The following RBFOX1 variants were observed in gnomAD, a reference collection of about 807,000 sequenced individuals.
RBFOX1 encodes RNA binding protein fox-1 homolog 1.
In RBFOX1, 8 loss-of-function variants were observed where a neutral mutation model predicts 57.7. The ratio of observed to expected loss-of-function variants is 0.14; its 90% confidence interval spans 0.08 to 0.25. The LOEUF is 0.25. RBFOX1 is among the 10% of genes least tolerant of loss of function. The probability of loss-of-function intolerance (pLI) is 1.00; values close to 1 mark genes in which losing one functional copy is unlikely to be tolerated. For synonymous variants in RBFOX1, 326 were observed against 222.4 expected (o/e 1.47, Z -4.15); for missense variants, 611 against 548.5 (o/e 1.11, Z -1.14).
At chr16:5,703,371 CAAAGCCTCT>C (rs1451534062) in intron 3 of RBFOX1, among the ~76,000 whole-genome samples, 28 of 152,174 alleles carry the variant, frequency 1.8e-4, no homozygotes, top group African/African-American at 6.5e-4. Context: ...GGGAGAGGAG[CAAAGCCTCT>C]AAATTGGGAT....
At chr16:7,250,274 G>T (rs942622764) in intron 4 of RBFOX1, among the ~76,000 whole-genome samples, 1 of 152,230 alleles carries the variant, frequency 6.6e-6, no homozygotes, top group Non-Finnish European at 1.5e-5. Context: ...AAATAACACT[G>T]AAGAGTAAAA....
chr16:6,116,186 G>A (rs142737127), intron 1 of RBFOX1, among the ~76,000 whole-genome samples: 9 of 151,380 alleles, frequency 5.9e-5, no homozygotes, highest in Admixed American at 3.3e-4. Context: ...ACCGAACACC[G>A]TATGTCCTCA....
At chr16:7,374,134 C>G (rs1318602993) in intron 4 of RBFOX1, among the ~76,000 whole-genome samples, 1 of 152,136 alleles carries the variant, frequency 6.6e-6, no homozygotes, top group Non-Finnish European at 1.5e-5. Context: ...CCAATAGGTA[C>G]TTTATTGCAG....
At chr16:6,717,416 G>C (rs558895486) in intron 3 of RBFOX1, among the ~76,000 whole-genome samples, 1 of 152,154 alleles carries the variant, frequency 6.6e-6, no homozygotes, top group South Asian at 2.1e-4. Flanking sequence ...TACAGCATAA[G>C]AAACTTGAGA....
intron 2 of RBFOX1, among the ~76,000 whole-genome samples, chr16:6,625,272 A>C (rs1188348137): frequency 6.6e-6 from 1 of 152,048 alleles, no homozygotes; most frequent in African/African-American, 2.4e-5. Flanking sequence ...TAAGTGCTAA[A>C]GTGAGAAGGA....
At chr16:6,010,237 A>G (rs1388645485) in intron 4 of RBFOX1, among the ~76,000 whole-genome samples, 2 of 152,106 alleles carry the variant, frequency 1.3e-5, no homozygotes, top group Non-Finnish European at 2.9e-5. Flanking sequence ...ACCCATGTCC[A>G]AGGAAGGCTG....
intron 4 of RBFOX1, among the ~76,000 whole-genome samples, chr16:7,355,055 G>T (rs535498504): frequency 2.6e-5 from 4 of 152,088 alleles, no homozygotes. Context: ...AGCATTTAAC[G>T]CATGAGGTCT....
intron 2 of RBFOX1, among the ~76,000 whole-genome samples, chr16:5,533,968 C>T (rs568302915): frequency 7.9e-5 from 12 of 152,060 alleles, no homozygotes; most frequent in Non-Finnish European, 1.3e-4. Context: ...GATGAGAAGC[C>T]CACACATTCG....
intron 1 of RBFOX1, among the ~76,000 whole-genome samples, chr16:5,406,186 C>T (rs972184382): frequency 5.3e-5 from 8 of 151,976 alleles, no homozygotes; most frequent in Non-Finnish European, 1.2e-4. Context: ...TACATGATGC[C>T]CAGATAGCTA....
intron 4 of RBFOX1, among the ~76,000 whole-genome samples, chr16:7,168,158 CT>C (rs1233250917): frequency 2.6e-5 from 4 of 152,298 alleles, no homozygotes; most frequent in African/African-American, 9.6e-5. Context: ...TTAAAGTTCA[CT>C]TATCAATGAT....
At chr16:6,021,061 G>C (rs889622270) in intron 1 of RBFOX1, among the ~76,000 whole-genome samples, 2 of 152,202 alleles carry the variant, frequency 1.3e-5, no homozygotes, top group Non-Finnish European at 2.9e-5. Context: ...GGAAATCCTG[G>C]TCAGGCAGTC....
Position 6,955,067 on chromosome 16 carries a change from CA to C in RBFOX1, c.-15-96977del, listed in dbSNP as rs748874364. On this transcript the variant is annotated intron_variant, in intron 3 of 15. Coordinates refer to ENST00000550418, the MANE Select transcript of RBFOX1 (RefSeq NM_018723.4). The stretch of plus-strand genomic sequence containing the variant: ...GCAACACTGGGAAACCCCATCTCTA[CA>C]AAAAAAAAAAAACACACAAAAAATT... Among the ~76,000 whole-genome samples the C allele has an allele frequency of 8.9e-3, 839 of 93,846 alleles. 7 individuals are homozygous for C. Among genetic ancestry groups the C allele is most frequent in the African/African-American group, 0.027 (732 of 27,372 alleles). The allele number at this position is 93,846 out of a possible 152,430, so 61.6% of individuals were successfully genotyped here. A position where few individuals can be genotyped will look rare whatever the true frequency, so the allele number is the denominator to read the frequency against.
At chr16:7,223,806 A>G (rs1007482342) in intron 4 of RBFOX1, among the ~76,000 whole-genome samples, 1 of 127,346 alleles carries the variant, frequency 7.9e-6, no homozygotes, top group African/African-American at 3.2e-5. Flanking sequence ...AAATGGGAGC[A>G]CTTCCTAAAC....
intron 3 of RBFOX1, among the ~76,000 whole-genome samples, chr16:5,808,993 G>T (rs543214344): frequency 7.9e-5 from 12 of 152,208 alleles, no homozygotes; most frequent in South Asian, 4.1e-4. Context: ...TCCCTGTCTT[G>T]TGCCAGTTTT....
At chr16:7,296,928 A>G (rs1336288581) in intron 4 of RBFOX1, among the ~76,000 whole-genome samples, 1 of 152,098 alleles carries the variant, frequency 6.6e-6, no homozygotes, top group Non-Finnish European at 1.5e-5. Context: ...CAAAAATGTG[A>G]GCAGTATAGG....
intron 3 of RBFOX1, among the ~76,000 whole-genome samples, chr16:6,825,095 C>G (rs914983027): frequency 5.7e-5 from 8 of 139,154 alleles, no homozygotes; most frequent in Admixed American, 5.5e-4. Context: ...CACCCTGGTT[C>G]AAACAATTCT....
intron 3 of RBFOX1, among the ~76,000 whole-genome samples, chr16:6,960,465 C>T (rs566171898): frequency 2.0e-5 from 3 of 152,232 alleles, no homozygotes; most frequent in South Asian, 2.1e-4. Context: ...TCCCAGTTCT[C>T]GTGTATGTTG....
intron 3 of RBFOX1, among the ~76,000 whole-genome samples, chr16:5,761,980 C>T (rs1597143642): frequency 6.6e-6 from 1 of 152,144 alleles, no homozygotes; most frequent in Non-Finnish European, 1.5e-5. Context: ...TGAATTTGGT[C>T]TCTGCCCTTT....
intron 2 of RBFOX1, among the ~76,000 whole-genome samples, chr16:6,388,064 C>T (rs113231137): frequency 0.022 from 3,341 of 148,540 alleles, 135 homozygotes; most frequent in African/African-American, 0.079. Context: ...ACTGCAACCT[C>T]TGCCTCTCGG....
Sources: allele counts gnomAD v4.1 joint callset (sites outside exome capture counted in the v4.1 genomes callset), GRCh38; gene constraint gnomAD v4.1.1; transcripts MANE v1.5; gene names NCBI Gene and HGNC (gene_info 2026-07-23, HGNC 2026-07-21).